The following A2ML1 variants were observed in gnomAD, a reference collection of about 807,000 sequenced individuals.
The protein encoded by A2ML1 is alpha-2-macroglobulin-like protein 1.
A neutral mutation model predicts 181.9 loss-of-function variants in A2ML1; 161 were observed. The ratio of observed to expected loss-of-function variants is 0.89; its 90% CI spans 0.78 to 1.01. The LOEUF is 1.01. A2ML1 is among the 50% of genes least tolerant of loss of function. The probability of loss-of-function intolerance (pLI) is 0.00; values close to 1 mark genes in which losing one functional copy is unlikely to be tolerated. For synonymous variants in A2ML1, 663 were observed against 666.8 expected (o/e 0.99, Z 0.09); for missense variants, 1,670 against 1,768.1 (o/e 0.94, Z 1.00).
chr12:8,878,954 C>T (rs111653971), downstream of A2ML1, among the ~76,000 whole-genome samples: 1 of 151,918 alleles, frequency 6.6e-6, no homozygotes, highest in Admixed American at 6.6e-5. The surrounding 1 kb of genome is among the most constrained non-coding windows in gnomAD (Gnocchi z 4.4). Flanking sequence ...TAGGGTGAGA[C>T]CTTGTCTCAA....
intron 33 of A2ML1, among the ~76,000 whole-genome samples, chr12:8,870,839 G>A (rs964553371): frequency 6.6e-6 from 1 of 152,074 alleles, no homozygotes; most frequent in East Asian, 1.9e-4. Context: ...GCAATGAACT[G>A]CTCCTCAGTG....
At chr12:8,878,527 T>C (rs1356099974), downstream of A2ML1, among the ~76,000 whole-genome samples, 1 of 151,842 alleles carries the variant, frequency 6.6e-6, no homozygotes, top group Non-Finnish European at 1.5e-5. The surrounding 1 kb of genome is among the most constrained non-coding windows in gnomAD (Gnocchi z 4.4). Flanking sequence ...AGGGCAAGAG[T>C]TGAAACCTAC....
chr12:8,868,693 C>A, intron 32 of A2ML1, 66 bp downstream of exon 32: 1 of 1,418,004 alleles, frequency 7.1e-7, no homozygotes, highest in Non-Finnish European at 9.8e-7. Flanking sequence ...ATTTAAAAAA[C>A]TGGTAAAATG....
intron 30 of A2ML1, 45 bp downstream of exon 30, chr12:8,868,102 T>C (rs1036443641): frequency 4.4e-6 from 7 of 1,608,358 alleles, no homozygotes; most frequent in African/African-American, 2.7e-5. Context: ...GGAAGGAGAG[T>C]CGGAGAGCAT....
rs1329882871 is a variant in A2ML1, at chr12:8,846,176, T to C, written c.1637T>C (p.Val546Ala). The C allele has an allele frequency of 2.5e-6, 4 of 1,614,054 alleles. No individual in the cohort carries two copies. Among genetic ancestry groups the C allele is most frequent in the Non-Finnish European group, 3.4e-6 (4 of 1,180,030 alleles). ...IYAIFPSGGV[V>A]ADKIQFSVEM... ...GCCATTTTTCCCAGTGGAGGTGTTG[T>C]AGCTGACAAAATTCAGTTCTCAGTC... Residue 546 changes from valine to alanine, a missense_variant, in exon 14 of 36, where the codon GTA becomes GCA. Transcript: ENST00000299698.
At chr12:8,847,521 C>T in intron 14 of A2ML1, 28 bp from the exon 15 acceptor site, 2 of 1,583,698 alleles carry the variant, frequency 1.3e-6, no homozygotes, top group Non-Finnish European at 1.7e-6. Flanking sequence ...CTGACCTGAT[C>T]CCCAAGTTAT....
At chr12:8,836,155 C>G in intron 6 of A2ML1, 100 bp from the exon 7 acceptor site, 1 of 878,118 alleles carries the variant, frequency 1.1e-6, no homozygotes, top group South Asian at 1.6e-5. Context: ...TTCATTAGAT[C>G]CATTAATTTA....
intron 8 of A2ML1, 113 bp from the exon 9 acceptor site, chr12:8,838,223 G>A: frequency 1.5e-6 from 1 of 672,246 alleles, no homozygotes. Flanking sequence ...TTCTATATTA[G>A]AAACTGAAGT....
chr12:8,854,164 A>G lies in A2ML1; in HGVS notation c.2627A>G (p.Asp876Gly), dbSNP rs1322124343. 1 of 1,605,346 alleles carries G rather than the reference A, an allele frequency of 6.2e-7. No homozygotes were observed. The highest frequency in any genetic ancestry group is 1.7e-5 in the Admixed American group (1 of 59,262). Residue 876 changes from aspartate (D) to glycine (G), a missense_variant, in exon 21 of 36, where the codon GAC becomes GGC. Physicochemically the swap from Asp to Gly is moderately conservative, Grantham distance 94 (BLOSUM62 -1). Coordinates refer to ENST00000299698, the MANE Select transcript of A2ML1 (RefSeq NM_144670.6). ...INFTISTKIL[D>G]SNEPCGGQKG... ...TTTACTATTAGTACAAAGATTCTGG[A>G]CAGCAATGAACCATGTGGGGGCCAG...
intron 23 of A2ML1, 21 bp from the exon 24 acceptor site, chr12:8,857,143 C>A: frequency 1.2e-6 from 2 of 1,606,562 alleles, no homozygotes; most frequent in South Asian, 2.2e-5. Context: ...CCTACCTTCT[C>A]TCTCTCCTTT....
At chr12:8,847,138 G>T (rs1328920905) in intron 14 of A2ML1, among the ~76,000 whole-genome samples, 2 of 86,542 alleles carry the variant, frequency 2.3e-5, no homozygotes, top group African/African-American at 1.1e-4. Flanking sequence ...TAGTAGAGAC[G>T]GGGTTTCACC....
In A2ML1 at chr12:8,836,631, G is replaced by A. The variant is rs147312132; in HGVS notation, c.728+292G>A. Among the ~76,000 whole-genome samples, 186 of 151,752 alleles carry A rather than the reference G, an allele frequency of 1.2e-3. 4 individuals are homozygous for A. In the Middle Eastern group the frequency reaches 0.02, roughly 17 times the overall value. On this transcript the variant is annotated intron_variant, in intron 7 of 35. Coordinates refer to ENST00000299698, the MANE Select transcript of A2ML1 (RefSeq NM_144670.6). Reference sequence around the variant, plus strand: ...CTAGAGTAGCTGGGATCACAGGCGCGCGCCACCATGCCTGGCTAATGTTTG... The same window carrying A: ...CTAGAGTAGCTGGGATCACAGGCGCACGCCACCATGCCTGGCTAATGTTTG...
rs764723755 is a variant in A2ML1 at position 8,861,270 on chromosome 12, CAGTT to C, written c.3478_3481del (p.Leu1160IlefsTer32). 6.2e-7 allele frequency: 1 copy of C among 1,614,056 alleles called. No individual in the cohort carries two copies. Among genetic ancestry groups the C allele is most frequent in the South Asian group, 1.1e-5 (1 of 91,068 alleles). The stretch of plus-strand genomic sequence containing the variant: ...GGACATCAGAAACATTCTCCTTAAA[CAGTT>C]AGATCAACAGGCTATCATCTCAGGT... On this transcript the variant is annotated frameshift_variant, in exon 28 of 36. Coordinates refer to ENST00000299698, the MANE Select transcript of A2ML1 (RefSeq NM_144670.6). LOFTEE classifies it high-confidence loss of function.
rs189924647 is a variant in A2ML1 at position 8,873,097 on chromosome 12, C to T, written c.4222-1328C>T. 2.6e-5 allele frequency among the ~76,000 whole-genome samples: 4 copies of T among 152,158 alleles called. No homozygotes were observed. In the East Asian group the frequency reaches 7.7e-4, roughly 29 times the overall value. ...AATATCATTCTAAAAATAATTCTGA[C>T]CTCTCAGATATTCTGATGCAATCTC... On this transcript the variant is annotated intron_variant, in intron 33 of 35. Transcript: ENST00000299698.
At chr12:8,848,677 T>C (rs755629342) in intron 15 of A2ML1, 43 bp from the exon 16 acceptor site, 8 of 1,491,312 alleles carry the variant, frequency 5.4e-6, no homozygotes, top group Admixed American at 2.2e-5. Context: ...TCAACTGATA[T>C]CACTATATCA....
chr12:8,860,823 A>G, intron 26 of A2ML1, 58 bp from the exon 27 acceptor site: 1 of 1,470,012 alleles, frequency 6.8e-7, no homozygotes, highest in Non-Finnish European at 9.5e-7. Flanking sequence ...CAATCTGCAC[A>G]TAATTCTTGC....
chr12:8,832,907 CCTGT>C (rs1369206164), intron 4 of A2ML1, among the ~76,000 whole-genome samples: 1 of 151,962 alleles, frequency 6.6e-6, no homozygotes, highest in African/African-American at 2.4e-5. Flanking sequence ...ATTAACTGAC[CCTGT>C]CTAACTTGAT....
chr12:8,824,818 C>T (rs1052332293), intron 3 of A2ML1, among the ~76,000 whole-genome samples: 1 of 152,186 alleles, frequency 6.6e-6, no homozygotes, highest in Non-Finnish European at 1.5e-5. Flanking sequence ...TTAGCTCCCA[C>T]AAATAAATGA....
intron 3 of A2ML1, among the ~76,000 whole-genome samples, chr12:8,824,147 G>C (rs1942843660): frequency 6.6e-6 from 1 of 151,760 alleles, no homozygotes; most frequent in Non-Finnish European, 1.5e-5. Context: ...AGTATAACTG[G>C]GTTGCTGGGC....
Sources: allele counts gnomAD v4.1 joint callset (sites outside exome capture counted in the v4.1 genomes callset), GRCh38; gene constraint gnomAD v4.1.1; non-coding constraint Gnocchi (gnomAD v3.1); transcripts MANE v1.5; gene names NCBI Gene and HGNC (gene_info 2026-07-23, HGNC 2026-07-21).